NAA11: variants seen among roughly 807,000 people sequenced by gnomAD.
The protein encoded by NAA11 is N-alpha-acetyltransferase 11.
A neutral mutation model predicts 16.1 loss-of-function variants in NAA11; 15 were observed. That is an observed-to-expected ratio of 0.93 (90% CI 0.62 to 1.44). The LOEUF (loss-of-function observed/expected upper bound fraction) is 1.44. Ranked by LOEUF, NAA11 falls within the 40% of genes most tolerant of loss-of-function variation. The probability of loss-of-function intolerance (pLI) is 0.00; values close to 1 mark genes in which losing one functional copy is unlikely to be tolerated. For missense variants in NAA11, 298 were observed against 291.3 expected, an observed-to-expected ratio of 1.02 and a Z score of -0.17; for synonymous variants, 122 against 112.4, an observed-to-expected ratio of 1.09 and a Z score of -0.54.
intron 2 of NAA11, among the ~76,000 whole-genome samples, chr4:79,229,939 T>C (rs1721416880): frequency 6.6e-6 from 1 of 152,000 alleles, no homozygotes; most frequent in Admixed American, 6.6e-5. Context: ...CCACATTTAT[T>C]GGTACCTAGT....
chr4:79,162,700 A>G, the NAA11 span, among the ~76,000 whole-genome samples: 2 of 152,208 alleles, frequency 1.3e-5, no homozygotes, highest in African/African-American at 4.8e-5. Context: ...TTGAGATTAT[A>G]TTAATCTGGC....
chr4:79,181,974 G>C, the NAA11 span, among the ~76,000 whole-genome samples: 1 of 152,140 alleles, frequency 6.6e-6, no homozygotes, highest in Non-Finnish European at 1.5e-5. Flanking sequence ...GTCATTTCTT[G>C]TGTTTTCTGA....
At chr4:79,313,896 TCTGGTTCC>T (rs1438623721), downstream of NAA11, among the ~76,000 whole-genome samples, 1 of 152,160 alleles carries the variant, frequency 6.6e-6, no homozygotes, top group Non-Finnish European at 1.5e-5. Flanking sequence ...ATGCTAGGTG[TCTGGTTCC>T]TAACAAGACA....
At chr4:79,257,729 T>C (rs1173773431) in intron 2 of NAA11, among the ~76,000 whole-genome samples, 2 of 152,226 alleles carry the variant, frequency 1.3e-5, no homozygotes, top group East Asian at 3.8e-4. Flanking sequence ...TCTAATTTAT[T>C]TCATATATTG....
the NAA11 span, among the ~76,000 whole-genome samples, chr4:79,199,304 A>T: frequency 6.6e-6 from 1 of 151,916 alleles, no homozygotes; most frequent in Non-Finnish European, 1.5e-5. Flanking sequence ...TAGTCCAAGC[A>T]AGGCTGGCAA....
intron 1 of NAA11, among the ~76,000 whole-genome samples, chr4:79,322,489 G>GTA (rs10651966): frequency 0.54 from 81,070 of 150,914 alleles, 22,045 homozygotes; most frequent in East Asian, 0.85. Context: ...TTTTATAGGT[G>GTA]TGTGTGTGTG....
chr4:79,161,767 C>T, the NAA11 span, among the ~76,000 whole-genome samples: 8 of 151,998 alleles, frequency 5.3e-5, no homozygotes, highest in Non-Finnish European at 8.8e-5. Context: ...CTCCACCTCC[C>T]GGCCTCCCGG....
At chr4:79,238,450 TATAAC>T (rs1264048583) in intron 2 of NAA11, among the ~76,000 whole-genome samples, 3 of 152,292 alleles carry the variant, frequency 2.0e-5, no homozygotes, top group Middle Eastern at 3.4e-3. Context: ...GGAAATCTAA[TATAAC>T]AGACAGAGTA....
chr4:79,302,104 G>A (rs1723406604), intron 1 of NAA11, among the ~76,000 whole-genome samples: 2 of 152,084 alleles, frequency 1.3e-5, no homozygotes, highest in African/African-American at 4.8e-5. Flanking sequence ...GAGTATAAAT[G>A]TGCATACGGG....
At chr4:79,271,916 G>GT (rs1199591156) in intron 2 of NAA11, among the ~76,000 whole-genome samples, 3 of 151,794 alleles carry the variant, frequency 2.0e-5, no homozygotes, top group African/African-American at 7.3e-5. Context: ...ATCATTAAGC[G>GT]TATGTAAAGT....
the NAA11 span, among the ~76,000 whole-genome samples, chr4:79,187,006 T>C: frequency 6.6e-6 from 1 of 152,192 alleles, no homozygotes; most frequent in Non-Finnish European, 1.5e-5. Flanking sequence ...AGGACTCTCT[T>C]AGGTAAGGTT....
intron 2 of NAA11, among the ~76,000 whole-genome samples, chr4:79,266,232 C>G (rs1722342153): frequency 6.6e-6 from 1 of 152,198 alleles, no homozygotes; most frequent in African/African-American, 2.4e-5. Context: ...TTATGATCGG[C>G]ACTCGCAGAG....
chr4:79,176,394 A>G, the NAA11 span, among the ~76,000 whole-genome samples: 3 of 152,174 alleles, frequency 2.0e-5, no homozygotes, highest in African/African-American at 7.2e-5. Flanking sequence ...GAATTGGCTC[A>G]TGTAATTGTG....
At chr4:79,191,791 C>T in the NAA11 span, among the ~76,000 whole-genome samples, 2 of 152,080 alleles carry the variant, frequency 1.3e-5, no homozygotes, top group African/African-American at 4.8e-5. Context: ...CCTAGGTTGT[C>T]TTCCAGGATT....
At chr4:79,309,766 A>C (rs1723708815) in intron 1 of NAA11, among the ~76,000 whole-genome samples, 1 of 122,376 alleles carries the variant, frequency 8.2e-6, no homozygotes, top group East Asian at 2.9e-4. Flanking sequence ...CCCAGGCTGG[A>C]ATGCAGTGGC....
At chr4:79,275,946 C>T (rs1388381282) in intron 2 of NAA11, among the ~76,000 whole-genome samples, 1 of 152,018 alleles carries the variant, frequency 6.6e-6, no homozygotes, top group Admixed American at 6.6e-5. Flanking sequence ...GGGGAGGAGA[C>T]CTTAACCAAA....
intron 2 of NAA11, among the ~76,000 whole-genome samples, chr4:79,289,273 T>C (rs2109991189): frequency 6.6e-6 from 1 of 152,340 alleles, no homozygotes; most frequent in African/African-American, 2.4e-5. Context: ...TCTACATGAC[T>C]CTGATATCAT....
At chr4:79,253,387 A>G (rs1722036779) in intron 2 of NAA11, among the ~76,000 whole-genome samples, 1 of 152,210 alleles carries the variant, frequency 6.6e-6, no homozygotes, top group Non-Finnish European at 1.5e-5. Context: ...ATTTAAAGCC[A>G]TTGGACAAGA....
chr4:79,239,361 G>A (rs1015708374), intron 2 of NAA11, among the ~76,000 whole-genome samples: 6 of 152,152 alleles, frequency 3.9e-5, no homozygotes, highest in Admixed American at 1.3e-4. Flanking sequence ...CAGGGTCTTG[G>A]AAGGAAGAGA....
Sources: gnomAD v4.1 joint callset for allele counts (sites outside exome capture counted in the v4.1 genomes callset) on GRCh38, gnomAD v4.1.1 for gene constraint, MANE v1.5 for transcripts, NCBI Gene and HGNC (gene_info 2026-07-23, HGNC 2026-07-21) for gene names.